The following DEUP1 variants were observed in gnomAD, a reference collection of about 807,000 sequenced individuals.
The protein encoded by DEUP1 is coiled-coil domain containing 67.
A neutral mutation model predicts 87.4 loss-of-function variants in DEUP1; 82 were observed. That is an observed-to-expected ratio of 0.94 (90% CI 0.78 to 1.13). The LOEUF is 1.13. Among genes scored for constraint, DEUP1 ranks in the 50% most tolerant of loss-of-function variants. The pLI is 0.00. For missense variants in DEUP1, 663 were observed against 681.5 expected (o/e 0.97, Z 0.30); for synonymous variants, 214 against 222.7 (o/e 0.96, Z 0.35).
At chr11:93,394,354 C>G (rs989989905) in intron 9 of DEUP1, 105 bp from the exon 10 acceptor site, 37 of 716,718 alleles carry the variant, frequency 5.2e-5, no homozygotes, top group Non-Finnish European at 7.9e-5. Flanking sequence ...TGAAGTGGGC[C>G]CTGACAAAGT....
intron 7 of DEUP1, among the ~76,000 whole-genome samples, chr11:93,380,724 T>G (rs1040409937): frequency 1.3e-5 from 2 of 152,126 alleles, no homozygotes; most frequent in Admixed American, 6.6e-5. Flanking sequence ...ACTTTTAATG[T>G]GACTGATATT....
chr11:93,385,280 G>A, intron 7 of DEUP1, 118 bp from the exon 8 acceptor site: 1 of 902,376 alleles, frequency 1.1e-6, no homozygotes, highest in Non-Finnish European at 1.7e-6. Context: ...AACAAGCAAA[G>A]GACTAAATAT....
intron 13 of DEUP1, among the ~76,000 whole-genome samples, chr11:93,429,060 T>C (rs1948025312): frequency 6.6e-6 from 1 of 152,180 alleles, no homozygotes; most frequent in Non-Finnish European, 1.5e-5. Flanking sequence ...CACTTAATTT[T>C]CTGTTGGATT....
At chr11:93,417,036 A>C (rs12291010) in intron 13 of DEUP1, among the ~76,000 whole-genome samples, 52,363 of 150,326 alleles carry the variant, frequency 0.35, 9,790 homozygotes, top group African/African-American at 0.48. Flanking sequence ...ATCTCAAAAT[A>C]ATAAGAGCTA....
chr11:93,355,165 A>T (rs1266858856), intron 2 of DEUP1, among the ~76,000 whole-genome samples: 3 of 152,210 alleles, frequency 2.0e-5, no homozygotes, highest in Non-Finnish European at 2.9e-5. Context: ...ATGTTATTTT[A>T]AAAAATTAAG....
At chr11:93,429,536 A>C (rs1371844767) in intron 13 of DEUP1, among the ~76,000 whole-genome samples, 1 of 152,174 alleles carries the variant, frequency 6.6e-6, no homozygotes, top group Non-Finnish European at 1.5e-5. Flanking sequence ...ACCTTATCAG[A>C]GATGCCTAAG....
Position 93,371,134 on chromosome 11 carries a change from C to A in DEUP1, c.643C>A (p.Pro215Thr), listed in dbSNP as rs371287286. 40 of 1,612,886 alleles carry A rather than the reference C, an allele frequency of 2.5e-5. No homozygotes were observed. The highest frequency in any genetic ancestry group is 3.3e-4 in the Middle Eastern group (2 of 6,080). Reference sequence around the variant, plus strand: ...TCCTCGTTTGATATGTGACCCAGATCCCAATTGTGAAATCAATGAAAGAGA... The same window carrying A: ...TCCTCGTTTGATATGTGACCCAGATACCAATTGTGAAATCAATGAAAGAGA... The part of the protein sequence containing the change: ...EIPRLICDPD[P>T]NCEINERDEF... Residue 215 changes from proline (P) to threonine (T), a missense_variant, in exon 7 of 14, where the codon CCC becomes ACC. By Grantham distance (38) the Pro-to-Thr change is conservative (BLOSUM62 -1). Transcript: ENST00000298050.
At chr11:93,373,224 C>G (rs1945824672) in intron 7 of DEUP1, among the ~76,000 whole-genome samples, 1 of 152,080 alleles carries the variant, frequency 6.6e-6, no homozygotes, top group Admixed American at 6.5e-5. Context: ...CTTCTTTTGG[C>G]AGGGGAACAG....
At chr11:93,427,363 A>T (rs1305913553) in intron 13 of DEUP1, among the ~76,000 whole-genome samples, 1 of 152,056 alleles carries the variant, frequency 6.6e-6, no homozygotes, top group Admixed American at 6.6e-5. Flanking sequence ...TGACAAAAAT[A>T]AGCAATGGGG....
At chr11:93,331,283 G>A (rs1403488493) in intron 1 of DEUP1, among the ~76,000 whole-genome samples, 1 of 152,066 alleles carries the variant, frequency 6.6e-6, no homozygotes, top group Non-Finnish European at 1.5e-5. Flanking sequence ...TCAGTGATTC[G>A]GAGGAGTTGA....
At chr11:93,331,487 T>C (rs3133521) in intron 1 of DEUP1, among the ~76,000 whole-genome samples, 46,141 of 151,948 alleles carry the variant, frequency 0.3, 7,945 homozygotes, top group East Asian at 0.59. Context: ...CTTAGCCTTT[T>C]TGTCCTAAAT....
intron 11 of DEUP1, among the ~76,000 whole-genome samples, chr11:93,405,907 T>A (rs1947260609): frequency 6.6e-6 from 1 of 151,926 alleles, no homozygotes. Context: ...TTACTCAGGT[T>A]ATTTTTGTAT....
At chr11:93,431,252 TAAG>T (rs1948098381) in intron 13 of DEUP1, among the ~76,000 whole-genome samples, 1 of 152,106 alleles carries the variant, frequency 6.6e-6, no homozygotes, top group Admixed American at 6.6e-5. Flanking sequence ...AAGGGAAATT[TAAG>T]GTGAAACCCA....
chr11:93,338,974 A>G (rs1565289786), intron 2 of DEUP1, among the ~76,000 whole-genome samples: 1 of 152,186 alleles, frequency 6.6e-6, no homozygotes, highest in Non-Finnish European at 1.5e-5. Flanking sequence ...GAATGGTTAC[A>G]TAGGAATGGC....
chr11:93,376,822 A>G (rs1423128103), intron 7 of DEUP1, among the ~76,000 whole-genome samples: 9 of 152,062 alleles, frequency 5.9e-5, no homozygotes, highest in Non-Finnish European at 1.0e-4. Context: ...CTGTGTTACT[A>G]TTATCGTTCA....
At chr11:93,373,605 T>TATACA (rs1565316134) in intron 7 of DEUP1, among the ~76,000 whole-genome samples, 4 of 128,704 alleles carry the variant, frequency 3.1e-5, no homozygotes, top group African/African-American at 1.2e-4. Context: ...GTATATATAT[T>TATACA]TATATATGTA....
At chr11:93,349,652 C>A (rs1944532876) in intron 2 of DEUP1, among the ~76,000 whole-genome samples, 1 of 151,228 alleles carries the variant, frequency 6.6e-6, no homozygotes, top group Non-Finnish European at 1.5e-5. Context: ...CCATAGTCAT[C>A]CTTTTTTTTT....
At chr11:93,410,481 A>AT (rs1947404294) in intron 12 of DEUP1, among the ~76,000 whole-genome samples, 1 of 152,210 alleles carries the variant, frequency 6.6e-6, no homozygotes, top group South Asian at 2.1e-4. Flanking sequence ...GTACTTATGG[A>AT]TTCATTCTCC....
At chr11:93,409,559 A>G (rs1030152668) in intron 12 of DEUP1, among the ~76,000 whole-genome samples, 2 of 152,198 alleles carry the variant, frequency 1.3e-5, no homozygotes, top group Non-Finnish European at 2.9e-5. Flanking sequence ...CATATTTGAT[A>G]TCAATTTATT....
Sources: gnomAD v4.1 joint callset for allele counts (sites outside exome capture counted in the v4.1 genomes callset) on GRCh38, gnomAD v4.1.1 for gene constraint, MANE v1.5 for transcripts, NCBI Gene and HGNC (gene_info 2026-07-23, HGNC 2026-07-21) for gene names.